The following MPPED2 variants were observed in gnomAD, a reference collection of about 807,000 sequenced individuals.
MPPED2 encodes metallophosphoesterase domain containing 2.
MPPED2 carries 5 observed loss-of-function variants against 33.0 expected under a neutral mutation model. The ratio of observed to expected loss-of-function variants is 0.15; its 90% confidence interval spans 0.08 to 0.32. The LOEUF (loss-of-function observed/expected upper bound fraction) is 0.32, where lower values mean the gene tolerates loss of function less well. Ranked by LOEUF, MPPED2 falls within the 10% of genes least tolerant of loss-of-function variation. MPPED2 has a pLI of 1.00. For synonymous variants in MPPED2, 136 were observed against 141.9 expected (o/e 0.96, Z 0.29); for missense variants, 275 against 372.1 (o/e 0.74, Z 2.15).
At chr11:30,446,739 C>T (rs1330512280) in intron 4 of MPPED2, among the ~76,000 whole-genome samples, 2 of 152,074 alleles carry the variant, frequency 1.3e-5, no homozygotes, top group African/African-American at 4.8e-5. Flanking sequence ...CAACGAGCAC[C>T]CCTCGGAATC....
At chr11:30,521,658 T>C (rs1179586221) in intron 3 of MPPED2, among the ~76,000 whole-genome samples, 1 of 152,212 alleles carries the variant, frequency 6.6e-6, no homozygotes, top group Non-Finnish European at 1.5e-5. Context: ...AAATACATAT[T>C]AGGTAACTTT....
chr11:30,423,305 A>G (rs1228755369), intron 4 of MPPED2, among the ~76,000 whole-genome samples: 3 of 152,200 alleles, frequency 2.0e-5, no homozygotes, highest in Admixed American at 6.5e-5. Context: ...TTACAAATCA[A>G]CGTCCACAAA....
intron 4 of MPPED2, among the ~76,000 whole-genome samples, chr11:30,456,062 T>C (rs548127870): frequency 2.6e-5 from 4 of 152,360 alleles, no homozygotes; most frequent in South Asian, 4.1e-4. Flanking sequence ...AGACATGTCT[T>C]TATTTGTCCT....
At chr11:30,554,444 G>T (rs967702094) in intron 2 of MPPED2, among the ~76,000 whole-genome samples, 1 of 152,074 alleles carries the variant, frequency 6.6e-6, no homozygotes, top group African/African-American at 2.4e-5. Context: ...TTTTTGCTCT[G>T]AAACTCCAAA....
At chr11:30,417,826 C>T (rs768301436) in intron 4 of MPPED2, among the ~76,000 whole-genome samples, 193 bp from the exon 5 acceptor site, 3 of 152,140 alleles carry the variant, frequency 2.0e-5, no homozygotes, top group Non-Finnish European at 4.4e-5. Context: ...GTGGAGCCTA[C>T]GAATTGTTCC....
At chr11:30,446,402 T>C (rs768399631) in intron 4 of MPPED2, among the ~76,000 whole-genome samples, 4 of 152,148 alleles carry the variant, frequency 2.6e-5, no homozygotes, top group African/African-American at 4.8e-5. Flanking sequence ...GAAGACACTG[T>C]AATAGAATGG....
intron 4 of MPPED2, among the ~76,000 whole-genome samples, chr11:30,488,460 G>C (rs934914212): frequency 6.6e-6 from 1 of 152,108 alleles, no homozygotes; most frequent in African/African-American, 2.4e-5. Flanking sequence ...TCAGATAAAG[G>C]CACCCGGCAG....
At chr11:30,524,802 A>G (rs1187338822) in intron 3 of MPPED2, among the ~76,000 whole-genome samples, 3 of 152,178 alleles carry the variant, frequency 2.0e-5, no homozygotes, top group Non-Finnish European at 4.4e-5. Context: ...ATTTAAAAGA[A>G]CAAGCAATAT....
At chr11:30,387,618 C>A (rs572585745) in exon 7 of MPPED2, 1 of 152,176 alleles carries the variant, frequency 6.6e-6, no homozygotes, top group Non-Finnish European at 1.5e-5. Context: ...GAACACTCAA[C>A]GTTAATGAAT....
chr11:30,422,264 C>G (rs1018683669), intron 4 of MPPED2, among the ~76,000 whole-genome samples: 1 of 152,228 alleles, frequency 6.6e-6, no homozygotes, highest in Non-Finnish European at 1.5e-5. Flanking sequence ...AGCCTGCTTA[C>G]TCACTCAGCT....
At position 30,449,348 on chromosome 11, in the gene MPPED2, C is replaced by T. The variant is rs1026976598; in HGVS notation, c.537-31715G>A. Among the ~76,000 whole-genome samples the T allele has an allele frequency of 1.9e-4, 29 of 152,122 alleles. 1 individual carries two copies. The highest frequency in any genetic ancestry group is 7.2e-4 in the Admixed American group (11 of 15,280). ...AGGAGTATTTTTGAGCTGAAAGCAACGGAGAATCAACAGATAGGACAGGTG... is the reference window on the plus strand; with the variant it reads ...AGGAGTATTTTTGAGCTGAAAGCAATGGAGAATCAACAGATAGGACAGGTG... On this transcript the variant is annotated intron_variant, in intron 4 of 6. Transcript: ENST00000358117.
chr11:30,535,385 C>T (rs1954756390), intron 3 of MPPED2, among the ~76,000 whole-genome samples: 1 of 152,100 alleles, frequency 6.6e-6, no homozygotes, highest in Admixed American at 6.6e-5. Flanking sequence ...CCTGTGGGTG[C>T]CTCCACAATA....
chr11:30,439,339 A>C (rs923726882), intron 4 of MPPED2, among the ~76,000 whole-genome samples: 3 of 152,134 alleles, frequency 2.0e-5, no homozygotes, highest in Non-Finnish European at 4.4e-5. Flanking sequence ...GTTTTACTCC[A>C]CTTAGGAAGT....
intron 2 of MPPED2, among the ~76,000 whole-genome samples, chr11:30,562,907 G>C (rs1565187101): frequency 6.6e-6 from 1 of 151,640 alleles, no homozygotes; most frequent in Non-Finnish European, 1.5e-5. Context: ...TCTGTAAACA[G>C]GCAAGACACG....
At chr11:30,457,023 AT>A (rs778450821) in intron 4 of MPPED2, among the ~76,000 whole-genome samples, 8 of 152,196 alleles carry the variant, frequency 5.3e-5, no homozygotes, top group African/African-American at 1.7e-4. Context: ...TAGAGAGAAA[AT>A]TCCATTCCTG....
intron 3 of MPPED2, among the ~76,000 whole-genome samples, chr11:30,530,331 C>G (rs1173043461): frequency 6.6e-6 from 1 of 152,208 alleles, no homozygotes; most frequent in East Asian, 1.9e-4. Context: ...TGTTCATCCA[C>G]TCACTCAATG....
intron 3 of MPPED2, chr11:30,504,934 C>A: frequency 1.8e-6 from 1 of 546,686 alleles, no homozygotes; most frequent in Non-Finnish European, 3.2e-6. Context: ...CCCGGTGGTC[C>A]ACTGCAGGAA....
At chr11:30,505,223 A>C (rs1952766513) in intron 3 of MPPED2, among the ~76,000 whole-genome samples, 1 of 152,136 alleles carries the variant, frequency 6.6e-6, no homozygotes, top group Non-Finnish European at 1.5e-5. Flanking sequence ...GCAACTCCTT[A>C]TTTGTAAGCA....
At chr11:30,548,924 G>A (rs1424496202) in intron 2 of MPPED2, among the ~76,000 whole-genome samples, 2 of 152,122 alleles carry the variant, frequency 1.3e-5, no homozygotes, top group East Asian at 1.9e-4. Context: ...AGCCAAATAG[G>A]AATGCATTAT....
Sources: gnomAD v4.1 joint callset for allele counts (sites outside exome capture counted in the v4.1 genomes callset) on GRCh38, gnomAD v4.1.1 for gene constraint, MANE v1.5 for transcripts, NCBI Gene and HGNC (gene_info 2026-07-23, HGNC 2026-07-21) for gene names.